Variants in DCDC1 observed in about 807,000 individuals in gnomAD.
The protein encoded by DCDC1 is doublecortin domain containing 1.
A neutral mutation model predicts 178.3 loss-of-function variants in DCDC1; 200 were observed. That is an observed-to-expected ratio of 1.12 (90% confidence interval 1.00 to 1.26). The LOEUF (loss-of-function observed/expected upper bound fraction) is 1.26. Among genes scored for constraint, DCDC1 ranks in the 50% most tolerant of loss-of-function variants. The pLI is 0.00. For missense variants in DCDC1, 1,983 were observed against 1,749.2 expected, an observed-to-expected ratio of 1.13 and a Z score of -2.38; for synonymous variants, 690 against 604.8, an observed-to-expected ratio of 1.14 and a Z score of -2.07.
intron 36 of DCDC1, among the ~76,000 whole-genome samples, chr11:30,885,055 A>G (rs573755307): frequency 6.6e-6 from 1 of 152,130 alleles, no homozygotes; most frequent in Admixed American, 6.5e-5. Context: ...TATATAATTT[A>G]AAAAGTAATA....
Position 31,137,214 on chromosome 11 carries a change from C to T in DCDC1, c.1314+478G>A, listed in dbSNP as rs541656276. Among the ~76,000 whole-genome samples, 314 of 152,152 alleles carry T rather than the reference C, an allele frequency of 2.1e-3. 1 individual carries two copies. Among genetic ancestry groups the T allele is most frequent in the African/African-American group, 6.6e-3 (275 of 41,524 alleles). ...TTCTTTCAAGTATACAATTACTTTTCATGCTGTCTATATCAATAAAATGAT... is the reference window on the plus strand; with the variant it reads ...TTCTTTCAAGTATACAATTACTTTTTATGCTGTCTATATCAATAAAATGAT... On this transcript the variant is annotated intron_variant, in intron 10 of 38. Transcript: ENST00000684477.
chr11:30,884,991 C>T (rs958233269), intron 36 of DCDC1, among the ~76,000 whole-genome samples: 5 of 151,832 alleles, frequency 3.3e-5, no homozygotes, highest in Non-Finnish European at 7.4e-5. Context: ...CAAGTAAAAT[C>T]TGACAACAAA....
intron 7 of DCDC1, among the ~76,000 whole-genome samples, chr11:31,270,874 C>T (rs578089734): frequency 5.3e-5 from 8 of 152,268 alleles, no homozygotes; most frequent in South Asian, 4.1e-4. Flanking sequence ...TAACTCTGGG[C>T]GACCTTCACT....
chr11:31,061,279 G>A (rs549671755), intron 20 of DCDC1, among the ~76,000 whole-genome samples: 2 of 152,188 alleles, frequency 1.3e-5, no homozygotes, highest in East Asian at 1.9e-4. Context: ...AAAGGGTAAA[G>A]GACTCCTTTG....
At chr11:31,263,108 G>GGGA in intron 8 of DCDC1, 1 of 1,606,372 alleles carries the variant, frequency 6.2e-7, no homozygotes, top group Non-Finnish European at 8.5e-7. Context: ...TACCATATTT[G>GGGA]GGAGGAGAAA....
chr11:31,319,819 T>A lies in DCDC1; in HGVS notation c.164+8298A>T, dbSNP rs1432722047. ...GGTTGTTCCTTTCCATGTTTAGCAC[T>A]TCCTTCAGGAGCTCTTTTAGGGCAG... On this transcript the variant is annotated intron_variant, in intron 3 of 38. Coordinates refer to ENST00000684477, the MANE Select transcript of DCDC1 (RefSeq NM_001387274.1). 3.7e-5 allele frequency among the ~76,000 whole-genome samples: 2 copies of A among 54,040 alleles called. 1 individual carries two copies. The highest frequency in any genetic ancestry group is 5.5e-4 in the East Asian group (2 of 3,640). 35.5% of individuals were successfully genotyped at this position (54,040 alleles called of 152,430 possible).
intron 9 of DCDC1, among the ~76,000 whole-genome samples, chr11:31,202,038 G>A (rs1280751968): frequency 1.3e-5 from 2 of 152,112 alleles, no homozygotes; most frequent in Admixed American, 1.3e-4. Flanking sequence ...ATATAGGCAA[G>A]AATATACAAT....
intron 3 of DCDC1, among the ~76,000 whole-genome samples, chr11:31,327,100 C>T (rs1291872416): frequency 6.6e-6 from 1 of 152,112 alleles, no homozygotes; most frequent in Admixed American, 6.5e-5. Context: ...CCTCTCTCTG[C>T]CTTTGTTTCC....
chr11:30,938,032 T>C lies in DCDC1; in HGVS notation c.2716-6080A>G, dbSNP rs186480795. ...CTCCTCAATGGCCTCATTGCACCCT[T>C]TCCCTGCACCTCCTTGCTTGAACCT... is the stretch of plus-strand genomic sequence containing the variant. On this transcript the variant is annotated intron_variant, in intron 21 of 38. Transcript: ENST00000684477. 1.1e-3 allele frequency among the ~76,000 whole-genome samples: 170 copies of C among 152,074 alleles called. 4 individuals are homozygous for C. In the East Asian group the frequency reaches 0.026, roughly 23 times the overall value.
intron 17 of DCDC1, among the ~76,000 whole-genome samples, chr11:31,088,876 T>G (rs993691480): frequency 3.9e-5 from 6 of 152,106 alleles, no homozygotes; most frequent in African/African-American, 1.4e-4. Context: ...AATTTTTCTA[T>G]TTTTTGTAGA....
At chr11:30,878,970 G>T (rs1234127518) in intron 37 of DCDC1, among the ~76,000 whole-genome samples, 1 of 152,090 alleles carries the variant, frequency 6.6e-6, no homozygotes, top group African/African-American at 2.4e-5. Context: ...ACCTAGGGCT[G>T]GTCTAAAAAT....
chr11:31,109,258 C>T (rs536028699), intron 12 of DCDC1, among the ~76,000 whole-genome samples: 42 of 151,816 alleles, frequency 2.8e-4, no homozygotes, highest in Non-Finnish European at 5.7e-4. Flanking sequence ...ACTGGGACTA[C>T]AGGCACATGC....
chr11:31,161,587 C>A (rs1045497432), intron 9 of DCDC1, among the ~76,000 whole-genome samples: 5 of 152,112 alleles, frequency 3.3e-5, no homozygotes, highest in Non-Finnish European at 5.9e-5. Context: ...CACTGTGGCC[C>A]CAGCAATCGA....
intron 20 of DCDC1, among the ~76,000 whole-genome samples, chr11:30,956,321 C>T (rs1948770811): frequency 6.6e-6 from 1 of 152,160 alleles, no homozygotes; most frequent in Admixed American, 6.5e-5. Flanking sequence ...TAGGCATGAG[C>T]CACCATGCCC....
intron 9 of DCDC1, among the ~76,000 whole-genome samples, chr11:31,212,120 T>C (rs1398274724): frequency 2.0e-5 from 3 of 149,272 alleles, no homozygotes; most frequent in Non-Finnish European, 4.4e-5. Context: ...AGTTAAGTAA[T>C]ACCTTTTAAA....
intron 22 of DCDC1, among the ~76,000 whole-genome samples, chr11:30,927,418 A>T (rs575101355): frequency 6.6e-6 from 1 of 152,330 alleles, no homozygotes; most frequent in African/African-American, 2.4e-5. Flanking sequence ...GAAAAGAAGA[A>T]GAAAGAAAAA....
chr11:31,157,941 G>C (rs1965897282), intron 9 of DCDC1, among the ~76,000 whole-genome samples: 1 of 151,984 alleles, frequency 6.6e-6, no homozygotes, highest in South Asian at 2.1e-4. Flanking sequence ...ATATATTTTT[G>C]ATGTGCAATA....
chr11:31,312,164 T>C (rs560458290), intron 3 of DCDC1, among the ~76,000 whole-genome samples: 8 of 152,176 alleles, frequency 5.3e-5, no homozygotes, highest in Admixed American at 1.3e-4. Flanking sequence ...TTATAGGGAC[T>C]CTCATCCAGG....
At chr11:31,191,907 T>C (rs1970175984) in intron 9 of DCDC1, among the ~76,000 whole-genome samples, 1 of 152,104 alleles carries the variant, frequency 6.6e-6, no homozygotes. Context: ...AAGAAGTTTA[T>C]ATTACGAATA....
Sources: gnomAD v4.1 joint callset for allele counts (sites outside exome capture counted in the v4.1 genomes callset) on GRCh38, gnomAD v4.1.1 for gene constraint, MANE v1.5 for transcripts, NCBI Gene and HGNC (gene_info 2026-07-23, HGNC 2026-07-21) for gene names.